The following COX15 variants were observed in gnomAD, a reference collection of about 807,000 sequenced individuals.
The protein encoded by COX15 is cytochrome c oxidase assembly factor COX15.
A neutral mutation model predicts 51.9 loss-of-function variants in COX15; 51 were observed. That is an observed-to-expected ratio of 0.98 (90% CI 0.78 to 1.24). The LOEUF (loss-of-function observed/expected upper bound fraction) is 1.24. Ranked by LOEUF, COX15 falls within the 50% of genes most tolerant of loss-of-function variation. The pLI, the probability that COX15 is intolerant of heterozygous loss-of-function variation, is 0.00. For synonymous variants in COX15, 188 were observed against 190.5 expected, an observed-to-expected ratio of 0.99 and a Z score of 0.11; for missense variants, 420 against 501.1, an observed-to-expected ratio of 0.84 and a Z score of 1.55.
the COX15 span, chr10:99,698,951 T>C: frequency 8.5e-7 from 1 of 1,171,700 alleles, no homozygotes; most frequent in African/African-American, 1.5e-5. Flanking sequence ...GGGCTTTGCA[T>C]ACAGAATCTC....
intron 2 of COX15, among the ~76,000 whole-genome samples, chr10:99,729,225 G>A (rs1230013664): frequency 6.6e-6 from 1 of 152,142 alleles, no homozygotes; most frequent in Non-Finnish European, 1.5e-5. Flanking sequence ...ACTTTGGGAG[G>A]CCGAGGTGGG....
downstream of COX15, among the ~76,000 whole-genome samples, chr10:99,706,904 G>C (rs891082605): frequency 6.6e-6 from 1 of 152,162 alleles, no homozygotes. Flanking sequence ...CTGGCTAACA[G>C]TGATCATGTT....
the COX15 span, chr10:99,697,455 A>T: frequency 6.3e-6 from 1 of 159,708 alleles, no homozygotes; most frequent in African/African-American, 2.4e-5. Context: ...GCTGCCTCCA[A>T]ACTACTTCTT....
downstream of COX15, chr10:99,709,203 G>C: frequency 1.0e-6 from 1 of 985,334 alleles, no homozygotes; most frequent in Non-Finnish European, 1.2e-6. Flanking sequence ...AAAGAACTTC[G>C]TTGTAATTCT....
chr10:99,701,277 GACA>G, the COX15 span, among the ~76,000 whole-genome samples: 2 of 129,058 alleles, frequency 1.5e-5, no homozygotes, highest in Non-Finnish European at 3.3e-5. Flanking sequence ...CAAGTGATTT[GACA>G]ACAAAAGTGA....
At chr10:99,719,481 A>AC (rs1268401573) in intron 6 of COX15, among the ~76,000 whole-genome samples, 3 of 151,628 alleles carry the variant, frequency 2.0e-5, no homozygotes, top group Non-Finnish European at 4.4e-5. Flanking sequence ...GGCATAAGCC[A>AC]CCATGCCTGG....
At chr10:99,704,898 G>C in the COX15 span, 9 of 585,230 alleles carry the variant, frequency 1.5e-5, no homozygotes, top group Admixed American at 9.1e-5. Flanking sequence ...AATGACAGGA[G>C]ATTGGTGCTA....
the COX15 span, among the ~76,000 whole-genome samples, chr10:99,703,835 C>T: frequency 6.6e-6 from 1 of 152,126 alleles, no homozygotes; most frequent in African/African-American, 2.4e-5. Context: ...GATTCTCCTG[C>T]CTCAGCCTTC....
chr10:99,702,657 C>G, the COX15 span: 1 of 1,610,838 alleles, frequency 6.2e-7, no homozygotes, highest in East Asian at 2.2e-5. Context: ...ATATAAAACA[C>G]GATTCTTACC....
intron 6 of COX15, 37 bp downstream of exon 6, chr10:99,720,950 A>T: frequency 1.3e-6 from 2 of 1,548,998 alleles, no homozygotes; most frequent in Non-Finnish European, 1.8e-6. Context: ...CTTAGAGTGC[A>T]ATGCAAACAG....
chr10:99,724,174 T>C lies in COX15; in HGVS notation c.583-51A>G, dbSNP rs753473929. 2.5e-6 allele frequency: 4 copies of C among 1,606,638 alleles called. No homozygotes were observed. The African/African-American group carries it at 4.0e-5, about 16-fold the overall frequency. The stretch of plus-strand genomic sequence containing the variant: ...ACAAAACAAGGTTAAAATGATCTGT[T>C]CAACTTTCTTTTTTTTGTTGTTTTT... On this transcript the variant is annotated intron_variant, in intron 4 of 8. Transcript: ENST00000016171.
chr10:99,708,590 T>C (rs192441686), downstream of COX15, among the ~76,000 whole-genome samples: 1 of 152,228 alleles, frequency 6.6e-6, no homozygotes, highest in Non-Finnish European at 1.5e-5. Flanking sequence ...CATATGATTT[T>C]GGGAAGAGCA....
At chr10:99,721,196 A>G (rs1242434711) in intron 5 of COX15, 128 bp from the exon 6 acceptor site, 2 of 721,978 alleles carry the variant, frequency 2.8e-6, no homozygotes, top group South Asian at 1.5e-5. Flanking sequence ...GACTAGGTTA[A>G]GTACTCCTGG....
At chr10:99,695,906 G>T in the COX15 span, 1 of 1,561,550 alleles carries the variant, frequency 6.4e-7, no homozygotes, top group South Asian at 1.2e-5. Flanking sequence ...TAGCTTTCTA[G>T]AAGGCAACCA....
intron 1 of COX15, 76 bp downstream of exon 1, chr10:99,731,884 G>T: frequency 6.5e-7 from 1 of 1,534,736 alleles, no homozygotes; most frequent in Non-Finnish European, 8.8e-7. Flanking sequence ...GTGATGTGGG[G>T]CTCTACATTA....
downstream of COX15, chr10:99,710,441 T>C: frequency 1.0e-6 from 1 of 980,272 alleles, no homozygotes; most frequent in Non-Finnish European, 1.2e-6. Context: ...CATCTTTTTA[T>C]TATGATCTAC....
At chr10:99,709,800 C>G (rs190644094), downstream of COX15, 50 of 985,298 alleles carry the variant, frequency 5.1e-5, no homozygotes, top group African/African-American at 8.7e-4. Context: ...CTCTTTTGCT[C>G]TAATATTTCA....
chr10:99,728,909 T>C (rs2037046327), intron 2 of COX15, among the ~76,000 whole-genome samples: 1 of 152,240 alleles, frequency 6.6e-6, no homozygotes, highest in Non-Finnish European at 1.5e-5. Flanking sequence ...CCAATTGTGA[T>C]GTACAGAACT....
the COX15 span, chr10:99,704,748 T>C: frequency 7.1e-7 from 1 of 1,413,574 alleles, no homozygotes; most frequent in African/African-American, 1.4e-5. Context: ...TCCTCCACTT[T>C]CTTATATAGC....
Sources: allele counts gnomAD v4.1 joint callset (sites outside exome capture counted in the v4.1 genomes callset), GRCh38; gene constraint gnomAD v4.1.1; transcripts MANE v1.5; gene names NCBI Gene and HGNC (gene_info 2026-07-23, HGNC 2026-07-21).